Variants in RNASET2 observed in about 807,000 individuals in gnomAD.
The protein encoded by RNASET2 is ribonuclease 6.
Under a neutral mutation model 33.9 loss-of-function variants are expected in RNASET2, and 28 were observed. The observed-to-expected ratio is 0.83, with a 90% CI of 0.61 to 1.13. The LOEUF is 1.13. RNASET2 is among the 50% of genes most tolerant of loss of function. RNASET2 has a pLI of 0.00. For missense variants in RNASET2, 330 were observed against 319.9 expected (o/e 1.03, Z -0.24); for synonymous variants, 123 against 121.0 (o/e 1.02, Z -0.11).
At chr6:166,930,112 A>G (rs1477736961) in intron 8 of RNASET2, among the ~76,000 whole-genome samples, 2 of 152,256 alleles carry the variant, frequency 1.3e-5, no homozygotes, top group African/African-American at 4.8e-5. Context: ...AAAGTTACAC[A>G]CAGATACAAC....
Position 166,929,506 on chromosome 6 carries a change from C to A in RNASET2, c.*82G>T. ...GGGAAACAGCAAAATAAACAGACTTCACTTTGGAGTTGTTTTTTAGAAAGC... is the reference window on the plus strand; with the variant it reads ...GGGAAACAGCAAAATAAACAGACTTAACTTTGGAGTTGTTTTTTAGAAAGC... On this transcript the variant is annotated 3_prime_UTR_variant, in exon 9 of 9. Transcript: ENST00000508775. 5.0e-6 allele frequency: 7 copies of A among 1,404,776 alleles called. No homozygotes were observed. The highest frequency in any genetic ancestry group is 7.1e-6 in the Non-Finnish European group (7 of 990,752). 87.0% of individuals were successfully genotyped at this position (1,404,776 alleles called of 1,614,324 possible).
chr6:166,952,332 C>T (rs868800100), intron 2 of RNASET2, among the ~76,000 whole-genome samples, 156 bp downstream of exon 2: 1 of 152,258 alleles, frequency 6.6e-6, no homozygotes, highest in African/African-American at 2.4e-5. Flanking sequence ...ACACAGCCCT[C>T]CTGGAGGCAG....
chr6:166,941,336 C>G (rs951881813), intron 5 of RNASET2, among the ~76,000 whole-genome samples: 2 of 152,122 alleles, frequency 1.3e-5, no homozygotes, highest in Non-Finnish European at 2.9e-5. Context: ...TTATTTTAAG[C>G]CATTTAGCTA....
chr6:166,949,633 A>G (rs1431159346), intron 2 of RNASET2, among the ~76,000 whole-genome samples: 4 of 152,204 alleles, frequency 2.6e-5, no homozygotes, highest in Non-Finnish European at 5.9e-5. Flanking sequence ...CTTACTGCTC[A>G]GTGCTGGAGA....
chr6:166,931,244 C>T (rs1778431530), intron 7 of RNASET2, 126 bp from the exon 8 acceptor site: 41 of 759,386 alleles, frequency 5.4e-5, no homozygotes, highest in South Asian at 5.3e-4. Flanking sequence ...CAGGACCCAG[C>T]ACAGGTGTGA....
rs894982688 is a variant in RNASET2 at position 166,925,238 on chromosome 6, C to T, written c.*4350G>A. Among the ~76,000 whole-genome samples, 12 of 151,898 alleles carry T rather than the reference C, an allele frequency of 7.9e-5. No individual in the cohort carries two copies. The highest frequency in any genetic ancestry group is 2.1e-4 in the South Asian group (1 of 4,812). The stretch of plus-strand genomic sequence containing the variant: ...CCAGGCATCACCCTTGCTGTCCAGC[C>T]GACACCTACGATGCGCAGTCCATGT... On this transcript the variant is annotated 3_prime_UTR_variant, in exon 9 of 9. Coordinates refer to ENST00000508775, the MANE Select transcript of RNASET2 (RefSeq NM_003730.6).
intron 6 of RNASET2, among the ~76,000 whole-genome samples, chr6:166,938,423 T>A (rs1778617501): frequency 6.6e-6 from 1 of 152,152 alleles, no homozygotes; most frequent in African/African-American, 2.4e-5. Flanking sequence ...CAGGGACGAT[T>A]TAGGCAGGTT....
intron 1 of RNASET2, chr6:166,955,401 ACACACACG>A: frequency 1.6e-6 from 1 of 621,236 alleles, no homozygotes; most frequent in Non-Finnish European, 1.9e-6. Flanking sequence ...ACACGCGCAC[ACACACACG>A]CGCACACACA....
At chr6:166,931,198 A>G (rs1562493430) in intron 7 of RNASET2, 80 bp from the exon 8 acceptor site, 1 of 1,014,538 alleles carries the variant, frequency 9.9e-7, no homozygotes, top group Non-Finnish European at 1.6e-6. Flanking sequence ...TGAGCGCAAC[A>G]GTGGCAGGGT....
chr6:166,929,467 T>A lies in RNASET2; in HGVS notation c.*121A>T. 1 of 1,042,264 alleles carries A rather than the reference T, an allele frequency of 9.6e-7. No individual in the cohort carries two copies. Among genetic ancestry groups the A allele is most frequent in the Non-Finnish European group, 1.5e-6 (1 of 672,600 alleles). The allele number at this position is 1,042,264 out of a possible 1,614,324, so 64.6% of individuals were successfully genotyped here. ...CTCTACAGGGACCACAACATCCAAT[T>A]CACAGGCATGGAGGGGAAACAGCAA... On this transcript the variant is annotated 3_prime_UTR_variant, in exon 9 of 9. Transcript: ENST00000508775.
In RNASET2 at chr6:166,948,613, C is replaced by T. The variant is rs761924699; in HGVS notation, c.160G>A (p.Asp54Asn). ...PETVCEKIQN[D>N]CRDPPDYWTI... ...CAGTAATCCGGAGGGTCTCTACAGT[C>T]GTTTTGAATTTTCTAGGGAGAAAAT... Residue 54 changes from aspartate to asparagine, a missense_variant, in exon 3 of 9, where the codon GAC becomes AAC. By Grantham distance (23) the Asp-to-Asn change is conservative. Transcript: ENST00000508775. 1.9e-5 allele frequency: 30 copies of T among 1,592,304 alleles called. No homozygotes were observed. Among genetic ancestry groups the T allele is most frequent in the Middle Eastern group, 2.0e-4 (1 of 5,014 alleles).
Position 166,922,702 on chromosome 6 carries a change from C to G in RNASET2, c.*6886G>C, listed in dbSNP as rs1778252070. Among the ~76,000 whole-genome samples, 1 of 152,204 alleles carries G rather than the reference C, an allele frequency of 6.6e-6. No homozygotes were observed. Among genetic ancestry groups the G allele is most frequent in the Non-Finnish European group, 1.5e-5 (1 of 68,038 alleles). On this transcript the variant is annotated 3_prime_UTR_variant, in exon 9 of 9. Transcript: ENST00000508775. The stretch of plus-strand genomic sequence containing the variant: ...GTATGTTGTTATCTTTGGGCCACTG[C>G]TGACTATCTTTTCTCAATTCAGGTT...
intron 2 of RNASET2, among the ~76,000 whole-genome samples, chr6:166,949,160 T>C (rs1367811080): frequency 1.5e-5 from 2 of 132,726 alleles, no homozygotes; most frequent in African/African-American, 2.9e-5. Context: ...ATCATGCCAT[T>C]GCACTCCAGC....
chr6:166,955,283 CACACACGCACAG>C (rs1468214594), intron 1 of RNASET2, among the ~76,000 whole-genome samples: 355 of 62,326 alleles, frequency 5.7e-3, no homozygotes, highest in African/African-American at 0.031. Flanking sequence ...GCACACACGA[CACACACGCACAG>C]ACGCGCACAC....
At position 166,928,370 on chromosome 6, in the gene RNASET2, G is replaced by A; in HGVS notation, c.*1218C>T. Among the ~76,000 whole-genome samples, 1 of 151,714 alleles carries A rather than the reference G, an allele frequency of 6.6e-6. No homozygotes were observed. The highest frequency in any genetic ancestry group is 1.9e-4 in the East Asian group (1 of 5,178). On this transcript the variant is annotated 3_prime_UTR_variant, in exon 9 of 9. Coordinates refer to ENST00000508775, the MANE Select transcript of RNASET2 (RefSeq NM_003730.6). ...TGTAGACACCATGAAGTGAGGTTTT[G>A]GTTTGAGCCAATTTGAAAATCTCTT... is the stretch of plus-strand genomic sequence containing the variant.
rs1216475489 is a variant in RNASET2, at chr6:166,923,156, G to A, written c.*6432C>T. Among the ~76,000 whole-genome samples the A allele has an allele frequency of 3.3e-5, 5 of 151,440 alleles. No homozygotes were observed. The highest frequency in any genetic ancestry group is 7.4e-5 in the Non-Finnish European group (5 of 67,962). On this transcript the variant is annotated 3_prime_UTR_variant, in exon 9 of 9. Transcript: ENST00000508775. ...AGGCTGGAGGGTGGAGCGCAGTGGCGCAATCTCCACTCACTGCAACCTCCA... is the reference window on the plus strand; with the variant it reads ...AGGCTGGAGGGTGGAGCGCAGTGGCACAATCTCCACTCACTGCAACCTCCA...
intron 1 of RNASET2, among the ~76,000 whole-genome samples, chr6:166,954,751 C>T (rs113611759): frequency 0.098 from 14,956 of 152,216 alleles, 827 homozygotes; most frequent in Non-Finnish European, 0.11. Context: ...CAGTGGCTCA[C>T]GCCTGTAATC....
Position 166,929,833 on chromosome 6 carries a change from G to T in RNASET2, c.568-42C>A, listed in dbSNP as rs781670324. 4 of 1,562,892 alleles carry T rather than the reference G, an allele frequency of 2.6e-6. No individual in the cohort carries two copies. In the African/African-American group the frequency reaches 5.4e-5, roughly 21 times the overall value. On this transcript the variant is annotated intron_variant, in intron 8 of 8. Coordinates refer to ENST00000508775, the MANE Select transcript of RNASET2 (RefSeq NM_003730.6). ...AAAGACGCTTTAGAATTCAGATCTT[G>T]GATTATCATCAAGGTCTTAAGATCA...
In RNASET2 at chr6:166,949,500, C is replaced by CAA. The variant is rs61621125; in HGVS notation, c.148-877_148-876dup. On this transcript the variant is annotated intron_variant, in intron 2 of 8. Transcript: ENST00000508775. ...TGGGTGATAGAGCAAGACTCCATCT[C>CAA]AAAAAAAAAAAAAAAAAAAAAAAAA... 8.2e-3 allele frequency among the ~76,000 whole-genome samples: 359 copies of CAA among 43,918 alleles called. 1 individual carries two copies. Among genetic ancestry groups the CAA allele is most frequent in the Non-Finnish European group, 0.01 (230 of 22,704 alleles). The allele number at this position is 43,918 out of a possible 152,430, so 28.8% of individuals were successfully genotyped here.
Sources: gnomAD v4.1 joint callset for allele counts (sites outside exome capture counted in the v4.1 genomes callset) on GRCh38, gnomAD v4.1.1 for gene constraint, MANE v1.5 for transcripts, NCBI Gene and HGNC (gene_info 2026-07-23, HGNC 2026-07-21) for gene names.